The following CACNA1C variants were observed in gnomAD, a reference collection of about 807,000 sequenced individuals.
CACNA1C encodes the protein calcium voltage-gated channel subunit alpha1 C, also known as voltage-dependent L-type calcium channel subunit alpha-1C.
Under a neutral mutation model 229.0 loss-of-function variants are expected in CACNA1C, and 30 were observed. That is an observed-to-expected ratio of 0.13 (90% confidence interval 0.10 to 0.18). CACNA1C has a LOEUF of 0.18. Among genes scored for constraint, CACNA1C ranks in the 10% least tolerant of loss-of-function variants. CACNA1C has a pLI of 1.00. For synonymous variants in CACNA1C, 1,114 were observed against 1,132.5 expected (o/e 0.98, Z 0.33); for missense variants, 1,658 against 2,845.0 (o/e 0.58, Z 9.49).
chr12:2,438,072 GTGA>G (rs1363734347), intron 3 of CACNA1C, among the ~76,000 whole-genome samples: 6 of 150,574 alleles, frequency 4.0e-5, no homozygotes, highest in African/African-American at 1.2e-4. Context: ...GATGATGGTA[GTGA>G]TGGTGGTAAT....
intron 3 of CACNA1C, among the ~76,000 whole-genome samples, chr12:2,379,491 A>G (rs1432859646): frequency 6.6e-6 from 1 of 152,218 alleles, no homozygotes; most frequent in Non-Finnish European, 1.5e-5. Flanking sequence ...TTAAAAGTGT[A>G]CAGGAATTGG....
chr12:2,157,543 G>A (rs754782305), intron 3 of CACNA1C, among the ~76,000 whole-genome samples: 5 of 152,212 alleles, frequency 3.3e-5, no homozygotes, highest in African/African-American at 4.8e-5. Context: ...GAAGATCTGC[G>A]TGGCTTTCCC....
At chr12:2,373,107 CGTT>C (rs2097915301) in intron 3 of CACNA1C, among the ~76,000 whole-genome samples, 1 of 152,214 alleles carries the variant, frequency 6.6e-6, no homozygotes, top group South Asian at 2.1e-4. Flanking sequence ...GAAAGCATCT[CGTT>C]GTTCTTTAAA....
At chr12:2,505,368 G>T (rs967646791) in intron 8 of CACNA1C, among the ~76,000 whole-genome samples, 2 of 152,064 alleles carry the variant, frequency 1.3e-5, no homozygotes, top group Non-Finnish European at 2.9e-5. Flanking sequence ...TTTCTGAATG[G>T]AAAGGACCCT....
At chr12:2,161,664 C>T (rs980067232) in intron 3 of CACNA1C, among the ~76,000 whole-genome samples, 9 of 152,348 alleles carry the variant, frequency 5.9e-5, no homozygotes, top group African/African-American at 2.2e-4. Context: ...TGGGGCACAG[C>T]CAAACTGACG....
In CACNA1C at chr12:2,493,486, C is replaced by G. The variant is rs116184062; in HGVS notation, c.1113+100C>G. The G allele has an allele frequency of 0.011, 9,468 of 842,854 alleles. 459 individuals are homozygous for G. In the African/African-American group the frequency reaches 0.12, roughly 11 times the overall value. 52.2% of individuals were successfully genotyped at this position (842,854 alleles called of 1,614,324 possible). ...CCTCCTCCCCATGGTCTTGGGGTCA[C>G]ATACGCATCTTGATGGAATGGTTGA... On this transcript the variant is annotated intron_variant, in intron 7 of 46. Transcript: ENST00000399655. This position sits in a 1 kb window ranked among gnomAD's most constrained non-coding sequence, Gnocchi z 4.6.
At position 2,486,271 on chromosome 12, in the gene CACNA1C, G is replaced by T; in HGVS notation, c.916+9G>T. On this transcript the variant is annotated intron_variant, in intron 6 of 46. Transcript: ENST00000399655. This position sits in a 1 kb window ranked among gnomAD's most constrained non-coding sequence, Gnocchi z 4.9. Reference sequence around the variant, plus strand: ...CCAGGAGGGCATAGCAGGTAAGAGGGGCAGGCGGCTGCGCTCCCAAGGCCC... The same window carrying T: ...CCAGGAGGGCATAGCAGGTAAGAGGTGCAGGCGGCTGCGCTCCCAAGGCCC... 1 of 1,610,750 alleles carries T rather than the reference G, an allele frequency of 6.2e-7. No homozygotes were observed. Among genetic ancestry groups the T allele is most frequent in the Non-Finnish European group, 8.5e-7 (1 of 1,177,868 alleles).
chr12:2,228,831 A>T (rs1313288680), intron 3 of CACNA1C, among the ~76,000 whole-genome samples: 3 of 152,174 alleles, frequency 2.0e-5, no homozygotes, highest in African/African-American at 7.2e-5. Context: ...GGTGCCAGGG[A>T]AAGAGGAGTA....
At chr12:2,210,195 C>T (rs1422564919) in intron 3 of CACNA1C, among the ~76,000 whole-genome samples, 1 of 152,210 alleles carries the variant, frequency 6.6e-6, no homozygotes, top group Non-Finnish European at 1.5e-5. Flanking sequence ...TATCTGAATG[C>T]TTTTGCAATA....
At chr12:1,983,419 A>T (rs2036736696) in intron 1 of CACNA1C, among the ~76,000 whole-genome samples, 1 of 151,964 alleles carries the variant, frequency 6.6e-6, no homozygotes, top group African/African-American at 2.4e-5. Flanking sequence ...TTGCAACTGA[A>T]ATATTATAAT....
In CACNA1C at chr12:1,971,683, T is replaced by C. The variant is rs2032334701; in HGVS notation, c.139+482T>C. On this transcript the variant is annotated intron_variant, in intron 1 of 46. Transcript: ENST00000682462. The surrounding 1 kb of genome is among the most constrained non-coding windows in gnomAD (Gnocchi z 4.2). ...TAAGGGGCCATTAAAGGCAGTGTCA[T>C]GTCAGCGTCATTCAAATGTACATTT... 6.6e-6 allele frequency among the ~76,000 whole-genome samples: 1 copy of C among 152,386 alleles called. No homozygotes were observed. Among genetic ancestry groups the C allele is most frequent in the South Asian group, 2.1e-4 (1 of 4,832 alleles).
At chr12:2,194,598 C>G (rs1201817621) in intron 3 of CACNA1C, among the ~76,000 whole-genome samples, 1 of 152,144 alleles carries the variant, frequency 6.6e-6, no homozygotes, top group African/African-American at 2.4e-5. Flanking sequence ...TTCCCCCTTC[C>G]TGCTCTGTGA....
chr12:2,151,763 C>G (rs2095283300), intron 3 of CACNA1C, among the ~76,000 whole-genome samples: 1 of 152,180 alleles, frequency 6.6e-6, no homozygotes, highest in African/African-American at 2.4e-5. Flanking sequence ...CTCGGAGACA[C>G]ACACGAAGCT....
At chr12:2,082,285 G>A (rs1252869375) in intron 1 of CACNA1C, among the ~76,000 whole-genome samples, 1 of 152,112 alleles carries the variant, frequency 6.6e-6, no homozygotes, top group Non-Finnish European at 1.5e-5. Context: ...CGAGTCAGAC[G>A]CTGGCCCTGC....
Position 2,685,632 on chromosome 12 carries a change from C to A in CACNA1C, c.5574-104C>A. On this transcript the variant is annotated intron_variant, in intron 43 of 46. Transcript: ENST00000399655. ...GCATGTAAGCACAAAGTGTGCGTCC[C>A]TTCACTAAGGATCAGAGCAAAGTGC... 6 of 820,554 alleles carry A rather than the reference C, an allele frequency of 7.3e-6. 1 individual carries two copies. In the South Asian group the frequency reaches 8.6e-5, roughly 12 times the overall value. The allele number at this position is 820,554 out of a possible 1,614,324, so 50.8% of individuals were successfully genotyped here.
chr12:2,653,508 C>T lies in CACNA1C; in HGVS notation c.4075-327C>T, dbSNP rs1163185465. ...ACAGTCAGCGGGGTGCTGTCCTCCA[C>T]GATTTCTCCTGCCTCGTACAGACAC... On this transcript the variant is annotated intron_variant, in intron 32 of 46. Coordinates refer to ENST00000399655, the MANE Select transcript of CACNA1C (RefSeq NM_000719.7). This position sits in a 1 kb window ranked among gnomAD's most constrained non-coding sequence, Gnocchi z 4.7. 5.9e-5 allele frequency among the ~76,000 whole-genome samples: 9 copies of T among 152,218 alleles called. No individual in the cohort carries two copies. The highest frequency in any genetic ancestry group is 3.8e-4 in the East Asian group (2 of 5,196).
At chr12:2,025,106 G>A (rs2047085648) in intron 1 of CACNA1C, among the ~76,000 whole-genome samples, 1 of 152,206 alleles carries the variant, frequency 6.6e-6, no homozygotes, top group South Asian at 2.1e-4. Context: ...CCTCTGCAAA[G>A]TGCTGCTCTC....
At chr12:2,137,968 G>T (rs968930101) in intron 3 of CACNA1C, among the ~76,000 whole-genome samples, 1 of 151,444 alleles carries the variant, frequency 6.6e-6, no homozygotes, top group South Asian at 2.1e-4. Flanking sequence ...GAGCTCATGC[G>T]GGCCACTCCC....
intron 34 of CACNA1C, among the ~76,000 whole-genome samples, chr12:2,656,543 A>G (rs1451623908): frequency 1.3e-5 from 2 of 152,206 alleles, no homozygotes; most frequent in Non-Finnish European, 1.5e-5. Context: ...TGCTATCAAA[A>G]TGCCAATGTC....
Sources: allele counts gnomAD v4.1 joint callset (sites outside exome capture counted in the v4.1 genomes callset), GRCh38; gene constraint gnomAD v4.1.1; non-coding constraint Gnocchi (gnomAD v3.1); transcripts MANE v1.5; gene names NCBI Gene and HGNC (gene_info 2026-07-23, HGNC 2026-07-21).